The following PARD3 variants were observed in gnomAD, a reference collection of about 807,000 sequenced individuals.
PARD3 encodes the protein partitioning defective 3 homolog.
PARD3 carries 75 observed loss-of-function variants against 155.4 expected under a neutral mutation model. That is an observed-to-expected ratio of 0.48 (90% CI 0.40 to 0.58). The LOEUF (loss-of-function observed/expected upper bound fraction) is 0.58, where lower values mean the gene tolerates loss of function less well. PARD3 is among the 20% of genes least tolerant of loss of function. The pLI is 0.00. For synonymous variants in PARD3, 576 were observed against 610.5 expected (o/e 0.94, Z 0.83); for missense variants, 1,642 against 1,721.7 (o/e 0.95, Z 0.82).
chr10:34,314,683 C>T (rs951229380), intron 20 of PARD3, among the ~76,000 whole-genome samples: 1 of 152,204 alleles, frequency 6.6e-6, no homozygotes, highest in Non-Finnish European at 1.5e-5. Flanking sequence ...TGTCACTAAA[C>T]ACGGGGCCGG....
chr10:34,210,883 TCTC>T (rs761302215), intron 22 of PARD3, among the ~76,000 whole-genome samples: 4 of 152,154 alleles, frequency 2.6e-5, no homozygotes, highest in Non-Finnish European at 5.9e-5. Flanking sequence ...GGCTGCACAC[TCTC>T]CTATGACCCT....
chr10:34,231,266 CAAAAAAAAAAAAAA>C (rs57175956), intron 22 of PARD3, among the ~76,000 whole-genome samples: 1 of 81,840 alleles, frequency 1.2e-5, no homozygotes, highest in Non-Finnish European at 2.2e-5. Flanking sequence ...TAATCTTAGG[CAAAAAAAAAAAAAA>C]AAAAAAAAGA....
At chr10:34,647,243 G>A (rs191919205) in intron 2 of PARD3, among the ~76,000 whole-genome samples, 253 of 152,254 alleles carry the variant, frequency 1.7e-3, no homozygotes, top group Non-Finnish European at 3.2e-3. Context: ...TCATAAGCTG[G>A]AGTCTAAGCC....
intron 2 of PARD3, among the ~76,000 whole-genome samples, chr10:34,525,562 G>A (rs2082415826): frequency 6.6e-6 from 1 of 152,162 alleles, no homozygotes; most frequent in Admixed American, 6.5e-5. Flanking sequence ...GGAAACAGGG[G>A]TCAACAGCAT....
chr10:34,524,587 T>C (rs2082353406), intron 2 of PARD3, among the ~76,000 whole-genome samples: 2 of 152,210 alleles, frequency 1.3e-5, no homozygotes, highest in South Asian at 4.1e-4. Context: ...TGCAAATTCG[T>C]ATAGCCATCA....
At chr10:34,313,462 G>A (rs911469873) in intron 20 of PARD3, among the ~76,000 whole-genome samples, 3 of 152,158 alleles carry the variant, frequency 2.0e-5, no homozygotes, top group Non-Finnish European at 2.9e-5. Flanking sequence ...CATTAAGGCG[G>A]CTTTTGTAGT....
intron 2 of PARD3, among the ~76,000 whole-genome samples, chr10:34,648,285 T>C (rs2092905093): frequency 6.6e-6 from 1 of 152,202 alleles, no homozygotes; most frequent in Admixed American, 6.5e-5. Flanking sequence ...AAAACTTTCA[T>C]GAATGTTTTA....
At chr10:34,184,300 A>C (rs755728030) in intron 22 of PARD3, among the ~76,000 whole-genome samples, 10 of 152,192 alleles carry the variant, frequency 6.6e-5, no homozygotes, top group Non-Finnish European at 1.3e-4. Flanking sequence ...CAGTCTGATC[A>C]ACATTCTACC....
At position 34,484,610 on chromosome 10, in the gene PARD3, T is replaced by C. The variant is rs1377287978; in HGVS notation, c.404-14347A>G. On this transcript the variant is annotated intron_variant, in intron 3 of 24. Coordinates refer to ENST00000374788, the MANE Select transcript of PARD3 (RefSeq NM_001184785.2). Reference sequence around the variant, plus strand: ...CCCATATTTTTGAGCCCCATGTCCCTAGGATCTCATAATATACAACATAGA... The same window carrying C: ...CCCATATTTTTGAGCCCCATGTCCCCAGGATCTCATAATATACAACATAGA... 3.9e-5 allele frequency among the ~76,000 whole-genome samples: 6 copies of C among 152,296 alleles called. No individual in the cohort carries two copies. The East Asian group carries it at 1.2e-3, about 29-fold the overall frequency.
intron 1 of PARD3, among the ~76,000 whole-genome samples, chr10:34,735,940 G>C (rs1442074527): frequency 6.6e-6 from 1 of 152,064 alleles, no homozygotes; most frequent in Non-Finnish European, 1.5e-5. Context: ...GCCCAGGCTG[G>C]TCTCAAACTC....
intron 5 of PARD3, among the ~76,000 whole-genome samples, chr10:34,430,602 C>T (rs1035515311): frequency 2.6e-5 from 4 of 152,194 alleles, no homozygotes; most frequent in African/African-American, 9.6e-5. Flanking sequence ...TCGGTTCTAT[C>T]ATCTACCATT....
At chr10:34,662,417 G>A (rs1022946886) in intron 2 of PARD3, among the ~76,000 whole-genome samples, 4 of 152,158 alleles carry the variant, frequency 2.6e-5, no homozygotes, top group African/African-American at 7.2e-5. Context: ...ATAACCTAAA[G>A]AAAGGAAATC....
At chr10:34,381,031 G>A (rs746482206) in intron 9 of PARD3, among the ~76,000 whole-genome samples, 3 of 152,132 alleles carry the variant, frequency 2.0e-5, no homozygotes, top group Non-Finnish European at 2.9e-5. Flanking sequence ...TTTGCAACGA[G>A]GCAAGCTGTC....
intron 2 of PARD3, among the ~76,000 whole-genome samples, chr10:34,573,730 AACAAAAACACACACACACACACACAC>A (rs1382151839): frequency 4.1e-4 from 15 of 36,338 alleles, no homozygotes; most frequent in Middle Eastern, 0.013. Context: ...CAAACAAACA[AACAAAAACACACACACACACACACAC>A]ACACACACAC....
chr10:34,804,041 T>TG (rs1240749138), intron 1 of PARD3, among the ~76,000 whole-genome samples: 3 of 151,258 alleles, frequency 2.0e-5, no homozygotes, highest in African/African-American at 7.3e-5. Flanking sequence ...TTTTGTTTTT[T>TG]TTTTTTTTTT....
rs1348923959 is a variant in PARD3, at chr10:34,350,610, CT to C, written c.2068-2496del. Among the ~76,000 whole-genome samples the C allele has an allele frequency of 3.4e-5, 4 of 117,376 alleles. No individual in the cohort carries two copies. In the Admixed American group the frequency reaches 4.6e-4, roughly 13 times the overall value. The allele number at this position is 117,376 out of a possible 152,430, so 77.0% of individuals were successfully genotyped here. A position where few individuals can be genotyped will look rare whatever the true frequency, so the allele number is the denominator to read the frequency against. On this transcript the variant is annotated intron_variant, in intron 14 of 24. Transcript: ENST00000374788. The stretch of plus-strand genomic sequence containing the variant: ...ATCACGCCACTGCACTCCAGCCTGG[CT>C]AACAGAGAGACTCCATCTTGGCGGG...
chr10:34,748,006 G>A (rs2133928662), intron 1 of PARD3, among the ~76,000 whole-genome samples: 1 of 152,154 alleles, frequency 6.6e-6, no homozygotes. Flanking sequence ...GGAGCAGAGA[G>A]GGAGCACAGG....
In PARD3 at chr10:34,159,667, T is replaced by C. The variant is rs143664687; in HGVS notation, c.3420-28084A>G. ...TTTCAACAAGGTCCTTATCCATTAGTGTATCTACAACAAACAAAGCTAATG... is the reference window on the plus strand; with the variant it reads ...TTTCAACAAGGTCCTTATCCATTAGCGTATCTACAACAAACAAAGCTAATG... On this transcript the variant is annotated intron_variant, in intron 22 of 24. Coordinates refer to ENST00000374788, the MANE Select transcript of PARD3 (RefSeq NM_001184785.2). 6.4e-4 allele frequency among the ~76,000 whole-genome samples: 98 copies of C among 152,342 alleles called. 1 individual carries two copies. Among genetic ancestry groups the C allele is most frequent in the African/African-American group, 2.3e-3 (96 of 41,570 alleles).
intron 2 of PARD3, among the ~76,000 whole-genome samples, chr10:34,592,618 A>T (rs922310813): frequency 5.3e-5 from 8 of 152,126 alleles, no homozygotes; most frequent in African/African-American, 1.4e-4. Flanking sequence ...TCTACTAAAA[A>T]TACAAAAATT....
Sources: allele counts gnomAD v4.1 joint callset (sites outside exome capture counted in the v4.1 genomes callset), GRCh38; gene constraint gnomAD v4.1.1; transcripts MANE v1.5; gene names NCBI Gene and HGNC (gene_info 2026-07-23, HGNC 2026-07-21).